ARIH2: variants seen among roughly 807,000 people sequenced by gnomAD.
The protein encoded by ARIH2 is E3 ubiquitin-protein ligase ARIH2.
ARIH2 carries 12 observed loss-of-function variants against 79.8 expected under a neutral mutation model. The observed-to-expected ratio is 0.15, with a 90% CI of 0.10 to 0.24. The LOEUF (loss-of-function observed/expected upper bound fraction) is 0.24. ARIH2 is among the 10% of genes least tolerant of loss of function. ARIH2 has a pLI of 1.00. For synonymous variants in ARIH2, 224 were observed against 213.9 expected, an observed-to-expected ratio of 1.05 and a Z score of -0.41; for missense variants, 301 against 618.3, an observed-to-expected ratio of 0.49 and a Z score of 5.44.
rs2092896604 is a variant in ARIH2, at chr3:48,986,147, C to G, written c.*2877C>G. The G allele has an allele frequency of 6.6e-6, 1 of 152,136 alleles. No homozygotes were observed. Among genetic ancestry groups the G allele is most frequent in the South Asian group, 2.1e-4 (1 of 4,828 alleles). The allele number at this position is 152,136 out of a possible 1,614,324, so 9.4% of individuals were successfully genotyped here. A position where few individuals can be genotyped will look rare whatever the true frequency, so the allele number is the denominator to read the frequency against. On this transcript the variant is annotated 3_prime_UTR_variant, in exon 16 of 16. Coordinates refer to ENST00000356401, the MANE Select transcript of ARIH2 (RefSeq NM_006321.4). ...GCTGTGGGCAACATGCACAGGGCAC[C>G]TGTGGCTAGAAGAGGCCTCATACAT...
intron 11 of ARIH2, among the ~76,000 whole-genome samples, chr3:48,979,073 G>C (rs551261359): frequency 6.6e-6 from 1 of 152,328 alleles, no homozygotes; most frequent in African/African-American, 2.4e-5. Flanking sequence ...ACAAGTGTGA[G>C]GGTAGGAAGC....
At chr3:48,976,786 A>T (rs2092525260) in intron 11 of ARIH2, among the ~76,000 whole-genome samples, 1 of 152,086 alleles carries the variant, frequency 6.6e-6, no homozygotes, top group Non-Finnish European at 1.5e-5. Flanking sequence ...ATATCCCTTG[A>T]CACCCAGAGT....
chr3:48,919,075 C>G (rs760144328), intron 1 of ARIH2, 77 bp downstream of exon 1: 3 of 1,304,474 alleles, frequency 2.3e-6, no homozygotes, highest in Non-Finnish European at 2.9e-6. Context: ...GCCTCCCTGG[C>G]CGGGCCGGGA....
chr3:48,982,633 T>C (rs1171354590), intron 14 of ARIH2: 1 of 426,334 alleles, frequency 2.3e-6, no homozygotes, highest in Non-Finnish European at 4.2e-6. Context: ...TTTAGTGGCT[T>C]AAATTCTTTG....
At chr3:48,954,934 A>T (rs987732823) in intron 3 of ARIH2, among the ~76,000 whole-genome samples, 2 of 152,208 alleles carry the variant, frequency 1.3e-5, no homozygotes, top group Non-Finnish European at 2.9e-5. Context: ...GTGGTGGCTC[A>T]TGCCCATAAT....
chr3:48,918,887 C>G lies in ARIH2; in HGVS notation c.-273C>G, dbSNP rs2084284628. ...TCTGGAGGAAGCAGCGCGGGCTTGA[C>G]CGGCGTCGGCCCGCCGCCTCCGCTG... is the stretch of plus-strand genomic sequence containing the variant. On this transcript the variant is annotated 5_prime_UTR_variant, in exon 1 of 16. Coordinates refer to ENST00000356401, the MANE Select transcript of ARIH2 (RefSeq NM_006321.4). 5 of 1,605,206 alleles carry G rather than the reference C, an allele frequency of 3.1e-6. No homozygotes were observed. Among genetic ancestry groups the G allele is most frequent in the Non-Finnish European group, 4.2e-6 (5 of 1,178,110 alleles).
Position 48,918,955 on chromosome 3 carries a change from G to A in ARIH2, c.-205G>A, listed in dbSNP as rs1414364377. On this transcript the variant is annotated 5_prime_UTR_variant, in exon 1 of 16. Coordinates refer to ENST00000356401, the MANE Select transcript of ARIH2 (RefSeq NM_006321.4). ...GGTCCCTCTGGCCCGGCCTGACCCG[G>A]TCTGGCTTGTTCGGGCTCAGCGGCC... 2 of 1,527,136 alleles carry A rather than the reference G, an allele frequency of 1.3e-6. No individual in the cohort carries two copies. Among genetic ancestry groups the A allele is most frequent in the South Asian group, 1.2e-5 (1 of 80,936 alleles). The allele number at this position is 1,527,136 out of a possible 1,614,324, so 94.6% of individuals were successfully genotyped here.
intron 4 of ARIH2, 26 bp from the exon 5 acceptor site, chr3:48,964,893 C>G: frequency 2.5e-6 from 4 of 1,604,240 alleles, no homozygotes; most frequent in Non-Finnish European, 3.4e-6. Flanking sequence ...TTCTGATTGC[C>G]TTCATTTCTG....
intron 3 of ARIH2, among the ~76,000 whole-genome samples, chr3:48,930,417 G>A (rs1448215991): frequency 1.3e-5 from 2 of 152,120 alleles, no homozygotes; most frequent in African/African-American, 4.8e-5. Context: ...TGGGAGCGGA[G>A]GTTGCAGTGA....
intron 13 of ARIH2, 105 bp downstream of exon 13, chr3:48,980,601 C>A: frequency 7.6e-7 from 1 of 1,315,042 alleles, no homozygotes; most frequent in Non-Finnish European, 1.0e-6. Context: ...TTTTAGCACC[C>A]TGTGCAGCCT....
chr3:48,940,999 C>G (rs1055124354), intron 3 of ARIH2, among the ~76,000 whole-genome samples: 9 of 150,610 alleles, frequency 6.0e-5, no homozygotes, highest in African/African-American at 1.7e-4. Context: ...GAAACCCCGT[C>G]TCTACTGAAA....
chr3:48,919,241 C>T, intron 1 of ARIH2: 1 of 1,240,748 alleles, frequency 8.1e-7, no homozygotes, highest in Middle Eastern at 3.1e-4. Context: ...AGGCCACCGC[C>T]TCTGACCAAC....
intron 3 of ARIH2, 128 bp downstream of exon 3, chr3:48,927,941 C>A: frequency 8.7e-7 from 1 of 1,145,328 alleles, no homozygotes; most frequent in Non-Finnish European, 1.2e-6. Flanking sequence ...AAGTGTATGT[C>A]AACATCATTT....
At position 48,953,671 on chromosome 3, in the gene ARIH2, A is replaced by C. The variant is rs1030915097; in HGVS notation, c.256-7941A>C. On this transcript the variant is annotated intron_variant, in intron 3 of 15. Transcript: ENST00000356401. ...CCACCTGGCCTCCCAAAGTGCTGGG[A>C]TTACAGGTGTGAGCCACCACGCCCA... is the stretch of plus-strand genomic sequence containing the variant. Among the ~76,000 whole-genome samples the C allele has an allele frequency of 2.7e-5, 4 of 147,782 alleles. No homozygotes were observed. The Admixed American group carries it at 2.7e-4, about 10-fold the overall frequency.
At chr3:48,946,995 A>G (rs999850073) in intron 3 of ARIH2, among the ~76,000 whole-genome samples, 2 of 152,246 alleles carry the variant, frequency 1.3e-5, no homozygotes, top group African/African-American at 4.8e-5. Context: ...ACTAAGGGGC[A>G]GGCACAAATG....
chr3:48,952,934 AT>A (rs150347723), intron 3 of ARIH2, among the ~76,000 whole-genome samples: 180 of 146,586 alleles, frequency 1.2e-3, no homozygotes, highest in Middle Eastern at 3.5e-3. Flanking sequence ...ACTGTCAGCA[AT>A]TTTTTTTTTT....
At chr3:48,974,607 G>A (rs1321951217) in intron 9 of ARIH2, 3 of 606,368 alleles carry the variant, frequency 4.9e-6, no homozygotes, top group African/African-American at 1.8e-5. Flanking sequence ...TTCAGCTGGT[G>A]CTTGAAGCAT....
intron 8 of ARIH2, among the ~76,000 whole-genome samples, chr3:48,971,898 A>G (rs2092259875): frequency 1.3e-5 from 2 of 152,214 alleles, no homozygotes; most frequent in South Asian, 4.1e-4. Flanking sequence ...TTCTAGCCAC[A>G]AAGTACTGTT....
intron 12 of ARIH2, chr3:48,980,111 A>G (rs1170439767): frequency 5.4e-6 from 2 of 370,626 alleles, no homozygotes; most frequent in Non-Finnish European, 9.7e-6. Context: ...CTAGCTTTGC[A>G]GAGTCCTCAG....
Sources: gnomAD v4.1 joint callset for allele counts (sites outside exome capture counted in the v4.1 genomes callset) on GRCh38, gnomAD v4.1.1 for gene constraint, MANE v1.5 for transcripts, NCBI Gene and HGNC (gene_info 2026-07-23, HGNC 2026-07-21) for gene names.